Variants in SGCZ observed in about 807,000 individuals in gnomAD.
The protein encoded by SGCZ is zeta-sarcoglycan.
In SGCZ, 40 loss-of-function variants were observed where a neutral mutation model predicts 41.3. The observed-to-expected ratio is 0.97, with a 90% CI of 0.75 to 1.26. The LOEUF (loss-of-function observed/expected upper bound fraction) is 1.26, where lower values mean the gene tolerates loss of function less well. Among genes scored for constraint, SGCZ ranks in the 50% most tolerant of loss-of-function variants. The probability of loss-of-function intolerance (pLI) is 0.00; values close to 1 mark genes in which losing one functional copy is unlikely to be tolerated. For synonymous variants in SGCZ, 206 were observed against 137.5 expected (o/e 1.50, Z -3.49); for missense variants, 552 against 369.8 (o/e 1.49, Z -4.04).
intron 5 of SGCZ, among the ~76,000 whole-genome samples, chr8:14,124,095 T>C (rs185509642): frequency 2.7e-4 from 41 of 152,340 alleles, no homozygotes; most frequent in African/African-American, 9.9e-4. Flanking sequence ...GATATCATCT[T>C]AGTGAAAACA....
intron 4 of SGCZ, among the ~76,000 whole-genome samples, chr8:14,208,961 T>C (rs1308924242): frequency 1.3e-5 from 2 of 152,282 alleles, no homozygotes; most frequent in Middle Eastern, 3.4e-3. Context: ...AAAATCAAGC[T>C]GCAGACATGG....
chr8:15,014,732 G>A (rs921976800), intron 1 of SGCZ, among the ~76,000 whole-genome samples: 1 of 152,188 alleles, frequency 6.6e-6, no homozygotes, highest in South Asian at 2.1e-4. Context: ...CCATGACCAG[G>A]AGTCCATACT....
At chr8:15,189,827 A>C (rs1341907369) in intron 1 of SGCZ, among the ~76,000 whole-genome samples, 1 of 152,194 alleles carries the variant, frequency 6.6e-6, no homozygotes, top group Non-Finnish European at 1.5e-5. Flanking sequence ...CTGGGATTAC[A>C]GGCATGAGCC....
At chr8:15,219,030 G>A (rs934235415) in intron 1 of SGCZ, among the ~76,000 whole-genome samples, 3 of 152,236 alleles carry the variant, frequency 2.0e-5, no homozygotes, top group South Asian at 2.1e-4. Context: ...CAACAAACAC[G>A]CTGTAAATCG....
intron 1 of SGCZ, among the ~76,000 whole-genome samples, chr8:15,075,881 A>G (rs1427557913): frequency 2.0e-5 from 3 of 152,154 alleles, no homozygotes; most frequent in Non-Finnish European, 2.9e-5. Context: ...AGCATCAGTG[A>G]ATCACTGATA....
intron 1 of SGCZ, among the ~76,000 whole-genome samples, chr8:14,899,889 C>T (rs768087154): frequency 5.5e-5 from 8 of 145,306 alleles, no homozygotes; most frequent in Non-Finnish European, 1.2e-4. Context: ...GAGGAAAATG[C>T]TTAAACATTG....
At chr8:14,595,121 T>G (rs959146857) in intron 1 of SGCZ, among the ~76,000 whole-genome samples, 1 of 150,298 alleles carries the variant, frequency 6.7e-6, no homozygotes, top group African/African-American at 2.5e-5. Context: ...ACATCAATAA[T>G]GATGACAAAT....
intron 1 of SGCZ, among the ~76,000 whole-genome samples, chr8:14,598,246 A>G (rs1279332082): frequency 6.6e-6 from 1 of 150,688 alleles, no homozygotes; most frequent in African/African-American, 2.4e-5. Context: ...TTAACAATGT[A>G]CATGGCCTCT....
At chr8:14,297,795 A>G (rs1801063364) in intron 3 of SGCZ, among the ~76,000 whole-genome samples, 1 of 152,100 alleles carries the variant, frequency 6.6e-6, no homozygotes, top group Non-Finnish European at 1.5e-5. Flanking sequence ...TCAATAATGA[A>G]AAGTATAAGC....
chr8:14,614,387 T>C (rs1806027078), intron 1 of SGCZ, among the ~76,000 whole-genome samples: 1 of 152,020 alleles, frequency 6.6e-6, no homozygotes, highest in Admixed American at 6.6e-5. Flanking sequence ...CAATACAGAA[T>C]AAAAAAATGT....
chr8:14,433,402 A>G (rs1046955299), intron 2 of SGCZ, among the ~76,000 whole-genome samples: 2 of 152,202 alleles, frequency 1.3e-5, no homozygotes, highest in Non-Finnish European at 2.9e-5. Context: ...TGAATTGTTT[A>G]TTGCAATCAT....
intron 1 of SGCZ, among the ~76,000 whole-genome samples, chr8:14,807,447 G>A (rs1457054366): frequency 6.6e-6 from 1 of 152,102 alleles, no homozygotes; most frequent in Admixed American, 6.6e-5. Flanking sequence ...CAGACAAACA[G>A]AGAGCCAAAT....
intron 1 of SGCZ, among the ~76,000 whole-genome samples, chr8:14,848,856 C>T (rs995825669): frequency 6.6e-6 from 1 of 152,026 alleles, no homozygotes; most frequent in African/African-American, 2.4e-5. Flanking sequence ...ATCAGAAAAA[C>T]TGAAAACTTT....
intron 2 of SGCZ, among the ~76,000 whole-genome samples, chr8:14,434,466 A>G (rs1800031661): frequency 6.6e-6 from 1 of 152,176 alleles, no homozygotes; most frequent in South Asian, 2.1e-4. Context: ...TTTGGGTTCC[A>G]TATGAATTTT....
intron 3 of SGCZ, among the ~76,000 whole-genome samples, chr8:14,288,396 C>T (rs193220955): frequency 1.3e-5 from 2 of 152,186 alleles, no homozygotes; most frequent in Non-Finnish European, 2.9e-5. Flanking sequence ...CTTCAGCATT[C>T]CAAAAGGATA....
intron 5 of SGCZ, among the ~76,000 whole-genome samples, chr8:14,120,246 T>C (rs1284743489): frequency 6.6e-6 from 1 of 152,144 alleles, no homozygotes; most frequent in Non-Finnish European, 1.5e-5. Context: ...CCATAGTAAT[T>C]GACTGATGGA....
At chr8:14,296,292 G>C (rs1192095768) in intron 3 of SGCZ, among the ~76,000 whole-genome samples, 6 of 152,280 alleles carry the variant, frequency 3.9e-5, no homozygotes, top group East Asian at 3.9e-4. Context: ...ACTACACATG[G>C]AGAGAAGCAG....
intron 1 of SGCZ, among the ~76,000 whole-genome samples, chr8:14,648,981 A>T (rs1271660659): frequency 1.3e-5 from 2 of 152,190 alleles, no homozygotes; most frequent in East Asian, 3.9e-4. Flanking sequence ...ATTTCAAAAC[A>T]TTTATACTTT....
intron 1 of SGCZ, among the ~76,000 whole-genome samples, chr8:15,131,337 C>T (rs1807892713): frequency 6.6e-6 from 1 of 152,110 alleles, no homozygotes; most frequent in African/African-American, 2.4e-5. Context: ...TTTCACTTGG[C>T]TCTCATTCTC....
Sources: gnomAD v4.1 joint callset for allele counts (sites outside exome capture counted in the v4.1 genomes callset) on GRCh38, gnomAD v4.1.1 for gene constraint, MANE v1.5 for transcripts, NCBI Gene and HGNC (gene_info 2026-07-23, HGNC 2026-07-21) for gene names.